The following MBOAT2 variants were observed in gnomAD, a reference collection of about 807,000 sequenced individuals.
MBOAT2 encodes membrane bound glycerophospholipid O-acyltransferase 2.
Under a neutral mutation model 63.4 loss-of-function variants are expected in MBOAT2, and 28 were observed. The ratio of observed to expected loss-of-function variants is 0.44; its 90% CI spans 0.33 to 0.61. The LOEUF (loss-of-function observed/expected upper bound fraction) is 0.61. Among genes scored for constraint, MBOAT2 ranks in the 20% least tolerant of loss-of-function variants. The pLI is 0.03. For synonymous variants in MBOAT2, 211 were observed against 215.6 expected, an observed-to-expected ratio of 0.98 and a Z score of 0.19; for missense variants, 470 against 605.8, an observed-to-expected ratio of 0.78 and a Z score of 2.35.
intron 6 of MBOAT2, among the ~76,000 whole-genome samples, chr2:8,881,573 G>A (rs914528584): frequency 8.5e-5 from 13 of 152,128 alleles, no homozygotes; most frequent in African/African-American, 3.1e-4. Flanking sequence ...GAGGCACAGG[G>A]GAAATGGCAG....
At chr2:8,899,561 T>G (rs1412447344) in intron 4 of MBOAT2, among the ~76,000 whole-genome samples, 1 of 152,212 alleles carries the variant, frequency 6.6e-6, no homozygotes, top group South Asian at 2.1e-4. Context: ...GTCCTGTTGT[T>G]GGATCATCTG....
At chr2:8,882,629 GCA>G (rs1663225309) in intron 5 of MBOAT2, 64 bp from the exon 6 acceptor site, 1 of 1,417,662 alleles carries the variant, frequency 7.1e-7, no homozygotes, top group African/African-American at 1.4e-5. Flanking sequence ...TTTTGCCCAT[GCA>G]CACTTTCATT....
At position 8,877,081 on chromosome 2, in the gene MBOAT2, A is replaced by G; in HGVS notation, c.639T>C (p.Gly213=). The G allele has an allele frequency of 6.2e-7, 1 of 1,613,556 alleles. No homozygotes were observed. Among genetic ancestry groups the G allele is most frequent in the Non-Finnish European group, 8.5e-7 (1 of 1,179,886 alleles). ...EGRSYHITQS[G]ENGKEETQYE... ...ACTGTGTCTCTTCTTTTCCATTTTCACCAGATTGTGTGATATGGTATGATC... is the reference window on the plus strand; with the variant it reads ...ACTGTGTCTCTTCTTTTCCATTTTCGCCAGATTGTGTGATATGGTATGATC... Residue 213 remains glycine, a synonymous_variant, in exon 7 of 13, where the codon GGT becomes GGC. Transcript: ENST00000305997.
intron 8 of MBOAT2, 118 bp from the exon 9 acceptor site, chr2:8,868,667 CTGATTTT>C (rs2148517383): frequency 1.2e-6 from 1 of 822,484 alleles, no homozygotes; most frequent in East Asian, 2.8e-5. Flanking sequence ...TAGATTTATT[CTGATTTT>C]TAAGTCAGAA....
intron 8 of MBOAT2, among the ~76,000 whole-genome samples, chr2:8,870,902 AT>A (rs1423007378): frequency 2.0e-5 from 3 of 152,186 alleles, no homozygotes; most frequent in African/African-American, 7.2e-5. Flanking sequence ...CACAAGATTC[AT>A]TTTTCAAACC....
chr2:8,919,694 T>C (rs957107416), intron 3 of MBOAT2, among the ~76,000 whole-genome samples: 1 of 152,210 alleles, frequency 6.6e-6, no homozygotes, highest in African/African-American at 2.4e-5. Context: ...AGGTGTCTTT[T>C]GAATAGTAAA....
chr2:8,924,051 A>G (rs1558619839), intron 3 of MBOAT2, among the ~76,000 whole-genome samples: 1 of 152,182 alleles, frequency 6.6e-6, no homozygotes. Context: ...CAGACAGCCA[A>G]CCCTCACTAA....
chr2:8,956,537 C>T (rs1356472561), intron 2 of MBOAT2, among the ~76,000 whole-genome samples: 1 of 152,034 alleles, frequency 6.6e-6, no homozygotes, highest in African/African-American at 2.4e-5. Context: ...TCCACCTCTA[C>T]AAAAAATTAG....
At chr2:8,947,790 C>A (rs764151608) in intron 2 of MBOAT2, among the ~76,000 whole-genome samples, 11 of 152,176 alleles carry the variant, frequency 7.2e-5, no homozygotes, top group Non-Finnish European at 1.2e-4. Flanking sequence ...ACCTGATTAT[C>A]CAAGAGCTCT....
At chr2:8,983,449 C>A (rs1558683277) in intron 1 of MBOAT2, among the ~76,000 whole-genome samples, 1 of 152,134 alleles carries the variant, frequency 6.6e-6, no homozygotes, top group African/African-American at 2.4e-5. Context: ...GATGGTTTTA[C>A]TGGAGAATTC....
Position 8,908,604 on chromosome 2 carries a change from CAA to C in MBOAT2, c.395+15_395+16del. 6.8e-7 allele frequency: 1 copy of C among 1,475,722 alleles called. No individual in the cohort carries two copies. Among genetic ancestry groups the C allele is most frequent in the Non-Finnish European group, 9.4e-7 (1 of 1,063,288 alleles). 91.4% of individuals were successfully genotyped at this position (1,475,722 alleles called of 1,614,324 possible). On this transcript the variant is annotated intron_variant, in intron 4 of 12. Coordinates refer to ENST00000305997, the MANE Select transcript of MBOAT2 (RefSeq NM_138799.4). ...GAATGGATAAAACAGGCTACTGAAT[CAA>C]AGTTTTCATCTTACCCTGAAAAATC...
At chr2:8,949,555 A>G (rs752218940) in intron 2 of MBOAT2, among the ~76,000 whole-genome samples, 4 of 151,952 alleles carry the variant, frequency 2.6e-5, no homozygotes, top group Non-Finnish European at 4.4e-5. Context: ...ATTCTTCTGC[A>G]TATGGCTAGC....
chr2:8,919,903 C>T (rs972104923), intron 3 of MBOAT2, among the ~76,000 whole-genome samples: 13 of 151,920 alleles, frequency 8.6e-5, no homozygotes, highest in South Asian at 2.1e-4. Context: ...TACAGGTGTG[C>T]GCCACCACAC....
intron 4 of MBOAT2, among the ~76,000 whole-genome samples, chr2:8,895,895 C>T (rs900012106): frequency 6.6e-6 from 1 of 152,024 alleles, no homozygotes; most frequent in Admixed American, 6.6e-5. Flanking sequence ...GTCACAGGAC[C>T]TAGAAAGGGG....
intron 4 of MBOAT2, among the ~76,000 whole-genome samples, chr2:8,889,945 G>A (rs1024356566): frequency 2.6e-5 from 4 of 152,134 alleles, no homozygotes; most frequent in African/African-American, 9.7e-5. Context: ...GCTGCGCTGG[G>A]AGGACGGGTG....
intron 4 of MBOAT2, among the ~76,000 whole-genome samples, chr2:8,902,756 G>C (rs1258892139): frequency 6.6e-6 from 1 of 152,224 alleles, no homozygotes; most frequent in Non-Finnish European, 1.5e-5. Context: ...TTCACGGTGA[G>C]TGTTAACAGC....
At chr2:8,859,538 C>T (rs1019729591) in intron 12 of MBOAT2, among the ~76,000 whole-genome samples, 1 of 152,170 alleles carries the variant, frequency 6.6e-6, no homozygotes, top group Non-Finnish European at 1.5e-5. Context: ...TAACCCACAG[C>T]CCAATCACAT....
At chr2:8,976,377 G>C (rs377760194) in intron 1 of MBOAT2, among the ~76,000 whole-genome samples, 4 of 152,008 alleles carry the variant, frequency 2.6e-5, no homozygotes, top group Admixed American at 6.6e-5. Context: ...AAATTAAAAG[G>C]TACTAGATTA....
intron 1 of MBOAT2, among the ~76,000 whole-genome samples, chr2:9,000,297 A>G (rs1013554373): frequency 5.3e-5 from 8 of 152,344 alleles, no homozygotes; most frequent in Non-Finnish European, 1.0e-4. Flanking sequence ...TAACAAATTC[A>G]TAAGATTTCT....
Sources: allele counts gnomAD v4.1 joint callset (sites outside exome capture counted in the v4.1 genomes callset), GRCh38; gene constraint gnomAD v4.1.1; transcripts MANE v1.5; gene names NCBI Gene and HGNC (gene_info 2026-07-23, HGNC 2026-07-21).